The following GIPC1 variants were observed in gnomAD, a reference collection of about 807,000 sequenced individuals.
The protein encoded by GIPC1 is PDZ domain-containing protein GIPC1.
A neutral mutation model predicts 28.5 loss-of-function variants in GIPC1; 15 were observed. The observed-to-expected ratio is 0.53, with a 90% CI of 0.35 to 0.81. GIPC1 has a LOEUF of 0.81. Among genes scored for constraint, GIPC1 ranks in the 30% least tolerant of loss-of-function variants. GIPC1 has a pLI of 0.01. For missense variants in GIPC1, 439 were observed against 481.9 expected (o/e 0.91, Z 0.83); for synonymous variants, 224 against 206.1 (o/e 1.09, Z -0.74).
intron 1 of GIPC1, among the ~76,000 whole-genome samples, chr19:14,494,989 C>A (rs1225499601): frequency 6.6e-6 from 1 of 152,044 alleles, no homozygotes; most frequent in Non-Finnish European, 1.5e-5. Flanking sequence ...AAGGGGGAAA[C>A]CACGCCCAGG....
chr19:14,492,331 G>A (rs549666919), intron 2 of GIPC1, among the ~76,000 whole-genome samples: 80 of 151,666 alleles, frequency 5.3e-4, no homozygotes, highest in Non-Finnish European at 1.0e-3. Context: ...TTTTGAGACG[G>A]AGTCTCGCTC....
At chr19:14,485,873 C>T (rs983017185) in intron 3 of GIPC1, among the ~76,000 whole-genome samples, 7 of 151,598 alleles carry the variant, frequency 4.6e-5, no homozygotes, top group African/African-American at 1.7e-4. Flanking sequence ...AGGGTTCACG[C>T]CATTCTCCTG....
At chr19:14,494,704 G>T (rs931004873) in intron 1 of GIPC1, among the ~76,000 whole-genome samples, 16 of 152,162 alleles carry the variant, frequency 1.1e-4, no homozygotes, top group African/African-American at 3.9e-4. Context: ...ATTGCTCTCT[G>T]TGCTCCCCAT....
intron 6 of GIPC1, chr19:14,480,067 A>C (rs1251144961): frequency 1.7e-6 from 1 of 591,000 alleles, no homozygotes; most frequent in African/African-American, 1.9e-5. Flanking sequence ...GGCTGGGCTA[A>C]TGGCCCCTGG....
rs200558472 is a variant in GIPC1 at position 14,478,527 on chromosome 19, C to T, written c.891G>A (p.Pro297=). ...MVELGKDKRN[P]DELAEALDER... ...CGTCCAGGGCCTCGGCCAGCTCATC[C>T]GGGTTCCTTTTGTCCTTTCCCAGCT... Residue 297 remains proline (P), a synonymous_variant, in exon 9 of 9, where the codon CCG becomes CCA. Transcript: ENST00000393033. This position sits in a 1 kb window ranked among gnomAD's most constrained non-coding sequence, Gnocchi z 5.2. 36 of 1,614,094 alleles carry T rather than the reference C, an allele frequency of 2.2e-5. No individual in the cohort carries two copies. The highest frequency in any genetic ancestry group is 6.7e-5 in the East Asian group (3 of 44,874).
chr19:14,485,052 C>G (rs763038630), intron 3 of GIPC1, among the ~76,000 whole-genome samples: 18 of 151,352 alleles, frequency 1.2e-4, no homozygotes, highest in East Asian at 8.0e-4. Context: ...CCCAGCTACT[C>G]GAGAGGTTGA....
At chr19:14,493,737 G>T (rs191016110) in intron 1 of GIPC1, among the ~76,000 whole-genome samples, 5 of 152,182 alleles carry the variant, frequency 3.3e-5, no homozygotes, top group Middle Eastern at 3.4e-3. Context: ...TTGGCTCACC[G>T]CAACCTCTGC....
At chr19:14,491,405 C>T (rs1434654637) in intron 3 of GIPC1, among the ~76,000 whole-genome samples, 9 of 151,884 alleles carry the variant, frequency 5.9e-5, no homozygotes, top group South Asian at 2.1e-4. Flanking sequence ...ATTACAGGTG[C>T]GTGCCACCAC....
chr19:14,484,871 G>C (rs567639030), intron 3 of GIPC1, among the ~76,000 whole-genome samples: 1 of 151,766 alleles, frequency 6.6e-6, no homozygotes, highest in Admixed American at 6.6e-5. Context: ...AAAAGTGCTG[G>C]GAGTACAGGA....
At chr19:14,491,421 G>C (rs1285052653) in intron 3 of GIPC1, among the ~76,000 whole-genome samples, 1 of 151,978 alleles carries the variant, frequency 6.6e-6, no homozygotes, top group African/African-American at 2.4e-5. Flanking sequence ...ACCACACCTG[G>C]CTAATTTTTG....
At chr19:14,485,738 G>C (rs12982290) in intron 3 of GIPC1, among the ~76,000 whole-genome samples, 6,567 of 141,484 alleles carry the variant, frequency 0.046, 213 homozygotes, top group South Asian at 0.07. Context: ...GAGAGAGAGA[G>C]AGACAGAGAG....
At chr19:14,493,463 T>TC (rs2072012403) in intron 1 of GIPC1, among the ~76,000 whole-genome samples, 1 of 134,438 alleles carries the variant, frequency 7.4e-6, no homozygotes, top group South Asian at 2.4e-4. Context: ...TCTCTCTCTC[T>TC]TTTTTTTTTT....
Position 14,480,325 on chromosome 19 carries a change from G to C in GIPC1, c.635C>G (p.Thr212Arg), listed in dbSNP as rs370983512. 1 of 1,611,296 alleles carries C rather than the reference G, an allele frequency of 6.2e-7. No homozygotes were observed. Among genetic ancestry groups the C allele is most frequent in the South Asian group, 1.1e-5 (1 of 90,998 alleles). ...PRGRTFTLKL[T>R]EPRKAFDMIS... ...CTCACCGAAGGCCTTGCGAGGCTCC[G>C]TGAGCTTCAGCGTGAAGGTACGGCC... The change falls in exon 6 of 9, where the codon ACG becomes AGG. Residue 212 changes from threonine (T) to arginine (R), a missense_variant. Physicochemically the swap from Thr to Arg is moderately conservative, Grantham distance 71. Transcript: ENST00000393033.
intron 1 of GIPC1, among the ~76,000 whole-genome samples, chr19:14,494,696 T>C (rs2072040442): frequency 6.6e-6 from 1 of 152,206 alleles, no homozygotes; most frequent in African/African-American, 2.4e-5. Flanking sequence ...TCGTTCTGAT[T>C]GCTCTCTGTG....
At chr19:14,485,756 G>C (rs1429610172) in intron 3 of GIPC1, among the ~76,000 whole-genome samples, 2 of 148,146 alleles carry the variant, frequency 1.4e-5, no homozygotes, top group Admixed American at 6.8e-5. Context: ...GAGAGGGAGA[G>C]AGAGAGAAAG....
At chr19:14,479,942 C>G in intron 6 of GIPC1, 1 of 453,110 alleles carries the variant, frequency 2.2e-6, no homozygotes, top group Non-Finnish European at 4.0e-6. Context: ...ACCTCAGGGG[C>G]CTGGGGCCCA....
chr19:14,490,889 G>A (rs10421977), intron 3 of GIPC1, among the ~76,000 whole-genome samples: 38,851 of 149,494 alleles, frequency 0.26, 5,279 homozygotes, highest in South Asian at 0.37. Flanking sequence ...GCAGGAGAAT[G>A]GCGTGAACTC....
intron 3 of GIPC1, among the ~76,000 whole-genome samples, chr19:14,488,282 C>G (rs1460820561): frequency 3.3e-5 from 5 of 151,922 alleles, no homozygotes; most frequent in Non-Finnish European, 5.9e-5. Context: ...AAAACCCCAT[C>G]TCTACTAAAA....
At chr19:14,488,937 T>C (rs1450884872) in intron 3 of GIPC1, among the ~76,000 whole-genome samples, 3 of 151,620 alleles carry the variant, frequency 2.0e-5, no homozygotes, top group African/African-American at 7.3e-5. Context: ...TTCCTGATTT[T>C]TTTTTTTTAA....
Sources: gnomAD v4.1 joint callset for allele counts (sites outside exome capture counted in the v4.1 genomes callset) on GRCh38, gnomAD v4.1.1 for gene constraint, Gnocchi (gnomAD v3.1) non-coding constraint, MANE v1.5 for transcripts, NCBI Gene and HGNC (gene_info 2026-07-23, HGNC 2026-07-21) for gene names.